The following LAMA2 variants were observed in gnomAD, a reference collection of about 807,000 sequenced individuals.
The protein encoded by LAMA2 is laminin subunit alpha-2.
Under a neutral mutation model 364.8 loss-of-function variants are expected in LAMA2, and 269 were observed. That is an observed-to-expected ratio of 0.74 (90% CI 0.67 to 0.82). The LOEUF (loss-of-function observed/expected upper bound fraction) is 0.82. Ranked by LOEUF, LAMA2 falls within the 40% of genes least tolerant of loss-of-function variation. The pLI is 0.00. For missense variants in LAMA2, 3,807 were observed against 3,873.2 expected (o/e 0.98, Z 0.45); for synonymous variants, 1,379 against 1,370.6 (o/e 1.01, Z -0.14).
intron 7 of LAMA2, among the ~76,000 whole-genome samples, chr6:129,154,009 A>G (rs1778961416): frequency 6.6e-6 from 1 of 152,242 alleles, no homozygotes; most frequent in African/African-American, 2.4e-5. Context: ...TATATGTTTT[A>G]ATCATTTCAA....
intron 45 of LAMA2, among the ~76,000 whole-genome samples, chr6:129,451,709 T>A (rs1341197073): frequency 6.6e-6 from 1 of 152,190 alleles, no homozygotes; most frequent in African/African-American, 2.4e-5. Context: ...AAAATCCCTC[T>A]TTAGCCTTCT....
chr6:128,981,054 T>C (rs996457862), intron 1 of LAMA2, among the ~76,000 whole-genome samples: 1 of 152,132 alleles, frequency 6.6e-6, no homozygotes, highest in Non-Finnish European at 1.5e-5. Context: ...TGAAGGACAT[T>C]CTAATCATCT....
rs1778263808 is a variant in LAMA2, at chr6:129,143,799, G to A, written c.640-102G>A. ...TGTACCTGAATCTGCGTAACTAATT[G>A]GGAGAATGGGAAGTTAACTTTATTT... On this transcript the variant is annotated intron_variant, in intron 4 of 64. Coordinates refer to ENST00000421865, the MANE Select transcript of LAMA2 (RefSeq NM_000426.4). The A allele has an allele frequency of 6.0e-6, 5 of 826,906 alleles. No individual in the cohort carries two copies. In the African/African-American group the frequency reaches 6.8e-5, roughly 11 times the overall value. 51.2% of individuals were successfully genotyped at this position (826,906 alleles called of 1,614,324 possible). A position where few individuals can be genotyped will look rare whatever the true frequency, so the allele number is the denominator to read the frequency against.
chr6:129,010,246 T>C (rs1413260183), intron 1 of LAMA2, among the ~76,000 whole-genome samples: 1 of 152,204 alleles, frequency 6.6e-6, no homozygotes, highest in Non-Finnish European at 1.5e-5. Context: ...TGGGTAATGA[T>C]CATACATGCA....
chr6:128,920,672 A>ATATATATATATTATATATACATGTGTG (rs1554324430), intron 1 of LAMA2, among the ~76,000 whole-genome samples: 193 of 150,594 alleles, frequency 1.3e-3, no homozygotes, highest in African/African-American at 4.1e-3. Context: ...GACATTACAT[A>ATATATATATATTATATATACATGTGTG]TATATATATA....
intron 1 of LAMA2, among the ~76,000 whole-genome samples, chr6:128,971,639 C>T (rs2114617683): frequency 6.6e-6 from 1 of 152,166 alleles, no homozygotes; most frequent in Non-Finnish European, 1.5e-5. Flanking sequence ...TTGAAAAAGT[C>T]CTCTCAGAAG....
At chr6:129,371,558 TG>T (rs1778079737) in intron 34 of LAMA2, among the ~76,000 whole-genome samples, 1 of 151,608 alleles carries the variant, frequency 6.6e-6, no homozygotes, top group Admixed American at 6.6e-5. Flanking sequence ...TTGCCCTCAT[TG>T]GCTTAGTATA....
At chr6:129,130,474 G>A (rs1447584727) in intron 4 of LAMA2, among the ~76,000 whole-genome samples, 1 of 152,210 alleles carries the variant, frequency 6.6e-6, no homozygotes, top group Non-Finnish European at 1.5e-5. Context: ...ATATGGAATG[G>A]CATCTCCTCT....
At chr6:129,244,191 A>G (rs562008501) in intron 12 of LAMA2, among the ~76,000 whole-genome samples, 5 of 152,104 alleles carry the variant, frequency 3.3e-5, no homozygotes, top group Non-Finnish European at 4.4e-5. Flanking sequence ...TAATTCTACA[A>G]TCCTCTTGTT....
At chr6:129,352,344 A>G (rs1200411095) in intron 31 of LAMA2, among the ~76,000 whole-genome samples, 1 of 152,218 alleles carries the variant, frequency 6.6e-6, no homozygotes, top group Admixed American at 6.5e-5. Flanking sequence ...AATGGACTGC[A>G]TTTAGGGTTC....
intron 16 of LAMA2, among the ~76,000 whole-genome samples, chr6:129,267,604 A>G (rs1787608381): frequency 6.6e-6 from 1 of 152,074 alleles, no homozygotes; most frequent in Admixed American, 6.6e-5. Context: ...GTAAAATATA[A>G]CCTTTATAGT....
At chr6:128,919,156 A>C (rs564928870) in intron 1 of LAMA2, among the ~76,000 whole-genome samples, 1 of 152,104 alleles carries the variant, frequency 6.6e-6, no homozygotes, top group African/African-American at 2.4e-5. Flanking sequence ...AAAATGCTGG[A>C]AGTTTTCTTC....
rs1323010206 is a variant in LAMA2, at chr6:129,492,071, A to C, written c.8069A>C (p.Asn2690Thr). 1.2e-6 allele frequency: 2 copies of C among 1,613,148 alleles called. No individual in the cohort carries two copies. The highest frequency in any genetic ancestry group is 1.7e-6 in the Non-Finnish European group (2 of 1,179,328). ...GGCTGCATATGGAATCTTGTTATTA[A>C]CTCTGTGTAAGTGGATCTCCTCATT... ...FEGCIWNLVI[N>T]SVPMDFARPV... The change falls in exon 57 of 65, where the codon AAC becomes ACC. Residue 2690 changes from asparagine to threonine, a missense_variant. By Grantham distance (65) the Asn-to-Thr change is moderately conservative (BLOSUM62 0). Around this residue, in one of 3 missense-constraint regions of LAMA2, gnomAD observed 3,333 missense variants for 3,345.7 expected, o/e 1.00. Transcript: ENST00000421865.
intron 1 of LAMA2, among the ~76,000 whole-genome samples, chr6:128,931,699 A>C (rs572956714): frequency 6.6e-6 from 1 of 152,278 alleles, no homozygotes; most frequent in South Asian, 2.1e-4. Context: ...TCTTATTAAA[A>C]ATTATTTTTT....
At position 128,962,185 on chromosome 6, in the gene LAMA2, T is replaced by TATATATATATAC. The variant is rs1214826895; in HGVS notation, c.112+78829_112+78830insTATATATATACA. ...ATATATATATATATATATATATATATACACACATACACACACACATACACA... is the reference window on the plus strand; with the variant it reads ...ATATATATATATATATATATATATATATATATATATACACACACATACACACACACATACACA... On this transcript the variant is annotated intron_variant, in intron 1 of 64. Transcript: ENST00000421865. Among the ~76,000 whole-genome samples the TATATATATATAC allele has an allele frequency of 4.8e-3, 502 of 103,872 alleles. 32 individuals carry two copies. The highest frequency in any genetic ancestry group is 7.0e-3 in the South Asian group (21 of 2,994). 68.1% of individuals were successfully genotyped at this position (103,872 alleles called of 152,430 possible). A position where few individuals can be genotyped will look rare whatever the true frequency, so the allele number is the denominator to read the frequency against.
At chr6:129,478,860 C>CACTT in intron 54 of LAMA2, 47 bp downstream of exon 54, 2 of 1,556,948 alleles carry the variant, frequency 1.3e-6, no homozygotes, top group South Asian at 1.1e-5. Flanking sequence ...TATCAGATTT[C>CACTT]ACTTACTTAG....
In LAMA2 at chr6:128,932,754, AC is replaced by A. The variant is rs545279306; in HGVS notation, c.112+49398del. Among the ~76,000 whole-genome samples the A allele has an allele frequency of 5.3e-5, 8 of 152,334 alleles. No individual in the cohort carries two copies. The East Asian group carries it at 1.5e-3, about 29-fold the overall frequency. The stretch of plus-strand genomic sequence containing the variant: ...CTAGATATGCATGACGATTTAATAT[AC>A]ATATACATTGTGAAATGATTACCAC... On this transcript the variant is annotated intron_variant, in intron 1 of 64. Transcript: ENST00000421865.
At chr6:129,093,179 CG>C (rs1204822541) in intron 3 of LAMA2, among the ~76,000 whole-genome samples, 1 of 151,200 alleles carries the variant, frequency 6.6e-6, no homozygotes, top group Non-Finnish European at 1.5e-5. Flanking sequence ...TTAGTAGAGA[CG>C]GAGTTTCACC....
At chr6:129,209,316 G>C (rs139998143) in intron 12 of LAMA2, among the ~76,000 whole-genome samples, 62 of 152,284 alleles carry the variant, frequency 4.1e-4, no homozygotes, top group African/African-American at 1.4e-3. Flanking sequence ...ACTTTACCTA[G>C]AAAATGATAG....
Sources: gnomAD v4.1 joint callset for allele counts (sites outside exome capture counted in the v4.1 genomes callset) on GRCh38, gnomAD v4.1.1 for gene constraint, gnomAD v4.1.1 regional missense constraint, MANE v1.5 for transcripts, NCBI Gene and HGNC (gene_info 2026-07-23, HGNC 2026-07-21) for gene names.